The following ERBB4 variants were observed in gnomAD, a reference collection of about 807,000 sequenced individuals.
ERBB4 encodes the protein erb-b2 receptor tyrosine kinase 4.
A neutral mutation model predicts 158.0 loss-of-function variants in ERBB4; 42 were observed. The observed-to-expected ratio is 0.27, with a 90% CI of 0.21 to 0.34. ERBB4 has a LOEUF of 0.34. Ranked by LOEUF, ERBB4 falls within the 10% of genes least tolerant of loss-of-function variation. The probability of loss-of-function intolerance (pLI) is 1.00; values close to 1 mark genes in which losing one functional copy is unlikely to be tolerated. For missense variants in ERBB4, 1,333 were observed against 1,624.1 expected, an observed-to-expected ratio of 0.82 and a Z score of 3.08; for synonymous variants, 583 against 558.7, an observed-to-expected ratio of 1.04 and a Z score of -0.61.
At chr2:212,187,774 T>C (rs909252955) in intron 1 of ERBB4, among the ~76,000 whole-genome samples, 1 of 152,136 alleles carries the variant, frequency 6.6e-6, no homozygotes, top group Non-Finnish European at 1.5e-5. Flanking sequence ...GGGTAGGAAA[T>C]AATGATGCAA....
intron 17 of ERBB4, among the ~76,000 whole-genome samples, chr2:211,628,506 T>A (rs879652377): frequency 5.3e-5 from 8 of 152,240 alleles, no homozygotes; most frequent in African/African-American, 1.9e-4. Context: ...AACTCATCAT[T>A]TTTTATGGCT....
At chr2:211,394,240 C>T (rs920838309) in intron 25 of ERBB4, among the ~76,000 whole-genome samples, 3 of 152,102 alleles carry the variant, frequency 2.0e-5, no homozygotes, top group Non-Finnish European at 4.4e-5. Flanking sequence ...TAAAGAAATA[C>T]AATTTTCCAC....
intron 3 of ERBB4, among the ~76,000 whole-genome samples, chr2:211,945,663 C>A (rs2080668466): frequency 6.6e-6 from 1 of 152,014 alleles, no homozygotes; most frequent in Admixed American, 6.6e-5. Flanking sequence ...TTAAGTAATA[C>A]AAGTTATGCA....
intron 2 of ERBB4, among the ~76,000 whole-genome samples, chr2:212,113,573 CAAAAAAAAAAAAAAAAAAAA>C (rs35545899): frequency 3.1e-5 from 2 of 64,246 alleles, no homozygotes; most frequent in Non-Finnish European, 5.3e-5. Context: ...GACTCCATCT[CAAAAAAAAAAAAAAAAAAAA>C]AAAAAAAAAA....
At chr2:211,579,557 A>G (rs78429780) in intron 19 of ERBB4, among the ~76,000 whole-genome samples, 1 of 152,206 alleles carries the variant, frequency 6.6e-6, no homozygotes, top group Non-Finnish European at 1.5e-5. Context: ...CCAAATGCCT[A>G]TCAATGATAG....
intron 12 of ERBB4, 118 bp from the exon 13 acceptor site, chr2:211,679,302 T>C (rs1404853824): frequency 1.3e-5 from 11 of 815,342 alleles, no homozygotes; most frequent in Non-Finnish European, 2.2e-5. Flanking sequence ...GGCAAATGAC[T>C]TTGGTGGCCT....
At chr2:212,200,888 A>G (rs1403877885) in intron 1 of ERBB4, among the ~76,000 whole-genome samples, 2 of 152,170 alleles carry the variant, frequency 1.3e-5, no homozygotes, top group African/African-American at 4.8e-5. Context: ...AAAGTGTTAA[A>G]TATGGTCTAC....
chr2:211,952,738 T>C (rs2080908007), intron 2 of ERBB4, among the ~76,000 whole-genome samples: 1 of 152,062 alleles, frequency 6.6e-6, no homozygotes, highest in African/African-American at 2.4e-5. Context: ...CCAATATTTC[T>C]ATTATAAAAC....
chr2:212,449,583 A>T (rs2092415287), intron 1 of ERBB4, among the ~76,000 whole-genome samples: 1 of 152,086 alleles, frequency 6.6e-6, no homozygotes, highest in Admixed American at 6.6e-5. Flanking sequence ...ATCTGGTTTG[A>T]CTACATTTCA....
intron 2 of ERBB4, among the ~76,000 whole-genome samples, chr2:211,984,435 T>C (rs556376080): frequency 6.6e-6 from 1 of 152,218 alleles, no homozygotes; most frequent in Non-Finnish European, 1.5e-5. Flanking sequence ...TACAGTATTA[T>C]AATAAGCCAT....
Position 211,736,733 on chromosome 2 carries a change from T to C in ERBB4, c.623-11539A>G, listed in dbSNP as rs2074614326. ...TTGAGACTGACCATTCTCAGAGGTT[T>C]GTGCTTTTTATTCCCACCATAATTA... On this transcript the variant is annotated intron_variant, in intron 5 of 27. Transcript: ENST00000342788. Among the ~76,000 whole-genome samples the C allele has an allele frequency of 2.6e-5, 4 of 152,196 alleles. No individual in the cohort carries two copies. The South Asian group carries it at 8.3e-4, about 31-fold the overall frequency.
chr2:211,511,042 A>G (rs778953138), intron 20 of ERBB4, among the ~76,000 whole-genome samples: 5 of 152,030 alleles, frequency 3.3e-5, no homozygotes, highest in Admixed American at 6.6e-5. Context: ...AACAACCAAA[A>G]AAACAGAGAG....
intron 1 of ERBB4, among the ~76,000 whole-genome samples, chr2:212,384,125 T>C (rs1191894123): frequency 6.6e-6 from 1 of 151,694 alleles, no homozygotes; most frequent in Non-Finnish European, 1.5e-5. Flanking sequence ...TACAAACTCT[T>C]AATAAGCACA....
chr2:211,624,749 T>A (rs555416391), intron 17 of ERBB4, among the ~76,000 whole-genome samples: 1 of 152,312 alleles, frequency 6.6e-6, no homozygotes, highest in African/African-American at 2.4e-5. Flanking sequence ...GAATGTACAC[T>A]TTAAAATCAA....
At chr2:211,689,903 C>T (rs992259717) in intron 12 of ERBB4, among the ~76,000 whole-genome samples, 6 of 151,556 alleles carry the variant, frequency 4.0e-5, no homozygotes, top group East Asian at 1.9e-4. Context: ...TTATACTGTA[C>T]GGTGTCACGA....
intron 1 of ERBB4, among the ~76,000 whole-genome samples, chr2:212,158,429 G>A (rs2081105255): frequency 6.6e-6 from 1 of 151,862 alleles, no homozygotes; most frequent in Non-Finnish European, 1.5e-5. Flanking sequence ...TCTGTGAAGT[G>A]CACATATTAC....
In ERBB4 at chr2:211,951,810, C is replaced by T. The variant is rs138236005; in HGVS notation, c.235-4194G>A. ...TAGTATGCAAAAACTAAGCATTAGCCTAACAAATATCCTTTTCTTATGTGA... is the reference window on the plus strand; with the variant it reads ...TAGTATGCAAAAACTAAGCATTAGCTTAACAAATATCCTTTTCTTATGTGA... On this transcript the variant is annotated intron_variant, in intron 2 of 27. Coordinates refer to ENST00000342788, the MANE Select transcript of ERBB4 (RefSeq NM_005235.3). Among the ~76,000 whole-genome samples, 580 of 152,184 alleles carry T rather than the reference C, an allele frequency of 3.8e-3. 6 individuals carry two copies. The highest frequency in any genetic ancestry group is 0.013 in the African/African-American group (541 of 41,550).
At chr2:211,546,411 A>G (rs775690121) in intron 20 of ERBB4, among the ~76,000 whole-genome samples, 9 of 152,052 alleles carry the variant, frequency 5.9e-5, no homozygotes, top group Non-Finnish European at 8.8e-5. Flanking sequence ...AATTACCCTA[A>G]ATTTTTAAAC....
chr2:211,504,961 C>A (rs180855536), intron 20 of ERBB4, among the ~76,000 whole-genome samples: 1 of 151,990 alleles, frequency 6.6e-6, no homozygotes, highest in African/African-American at 2.4e-5. Context: ...GAAAAGCAAC[C>A]AAACTGAAGA....
Sources: gnomAD v4.1 joint callset for allele counts (sites outside exome capture counted in the v4.1 genomes callset) on GRCh38, gnomAD v4.1.1 for gene constraint, MANE v1.5 for transcripts, NCBI Gene and HGNC (gene_info 2026-07-23, HGNC 2026-07-21) for gene names.